GEN1: variants seen among roughly 807,000 people sequenced by gnomAD.
GEN1 encodes flap endonuclease GEN homolog 1.
Under a neutral mutation model 67.6 loss-of-function variants are expected in GEN1, and 64 were observed. The observed-to-expected ratio is 0.95, with a 90% CI of 0.77 to 1.17. The LOEUF (loss-of-function observed/expected upper bound fraction) is 1.17, where lower values mean the gene tolerates loss of function less well. Ranked by LOEUF, GEN1 falls within the 50% of genes most tolerant of loss-of-function variation. The pLI is 0.00. For missense variants in GEN1, 1,058 were observed against 1,048.3 expected (o/e 1.01, Z -0.13); for synonymous variants, 371 against 359.4 (o/e 1.03, Z -0.37).
rs1176593945 is a variant in GEN1, at chr2:17,778,249, T to C, written c.1264+186T>C. Among the ~76,000 whole-genome samples the C allele has an allele frequency of 1.7e-5, 2 of 119,986 alleles. 1 individual carries two copies. The allele number at this position is 119,986 out of a possible 152,430, so 78.7% of individuals were successfully genotyped here. A position where few individuals can be genotyped will look rare whatever the true frequency, so the allele number is the denominator to read the frequency against. On this transcript the variant is annotated intron_variant, in intron 12 of 13. Coordinates refer to ENST00000381254, the MANE Select transcript of GEN1 (RefSeq NM_001130009.3). ...ACACATATATGTGTGTACATATATG[T>C]ATACACACATATGTGTGTACATATA... is the stretch of plus-strand genomic sequence containing the variant.
At chr2:17,770,141 A>G (rs893860718) in intron 6 of GEN1, among the ~76,000 whole-genome samples, 1 of 152,176 alleles carries the variant, frequency 6.6e-6, no homozygotes, top group African/African-American at 2.4e-5. Flanking sequence ...AAAAAATAAT[A>G]TAAAGAAGGA....
chr2:17,760,844 C>A lies in GEN1; in HGVS notation c.162-552C>A, dbSNP rs192099945. On this transcript the variant is annotated intron_variant, in intron 2 of 13. Transcript: ENST00000381254. Reference sequence around the variant, plus strand: ...TGCTGAGGCAGGAAAATCACTTGAACCTGGGAGGTGGAGGTTGCAGTGAGC... The same window carrying A: ...TGCTGAGGCAGGAAAATCACTTGAAACTGGGAGGTGGAGGTTGCAGTGAGC... Among the ~76,000 whole-genome samples, 40 of 151,700 alleles carry A rather than the reference C, an allele frequency of 2.6e-4. 2 individuals carry two copies. In the East Asian group the frequency reaches 7.0e-3, roughly 26 times the overall value.
Position 17,787,823 on chromosome 2 carries a change from C to G in GEN1, c.*5884C>G, listed in dbSNP as rs1418091060. The G allele has an allele frequency of 1.3e-5, 2 of 152,414 alleles. No homozygotes were observed. Among genetic ancestry groups the G allele is most frequent in the South Asian group, 4.1e-4 (2 of 4,832 alleles). The allele number at this position is 152,414 out of a possible 1,614,324, so 9.4% of individuals were successfully genotyped here. ...CCTGTAATCCCACCTACTTGGGAGG[C>G]TGAGACAAGAGAATCACTTGAACCC... On this transcript the variant is annotated 3_prime_UTR_variant, in exon 14 of 14. Coordinates refer to ENST00000381254, the MANE Select transcript of GEN1 (RefSeq NM_001130009.3).
chr2:17,780,604 A>ATTTTT lies in GEN1; in HGVS notation c.1409-13_1409-9dup. On this transcript the variant is annotated splice_polypyrimidine_tract_variant and intron_variant, in intron 13 of 13. Coordinates refer to ENST00000381254, the MANE Select transcript of GEN1 (RefSeq NM_001130009.3). ...AAGAAAATAAATGTTGATTATATGT[A>ATTTTT]TTTTTTTTCTTTTCAGGTATTAAGC... 6.9e-7 allele frequency: 1 copy of ATTTTT among 1,444,128 alleles called. No individual in the cohort carries two copies. The highest frequency in any genetic ancestry group is 1.4e-5 in the African/African-American group (1 of 70,214). The allele number at this position is 1,444,128 out of a possible 1,614,324, so 89.5% of individuals were successfully genotyped here. A position where few individuals can be genotyped will look rare whatever the true frequency, so the allele number is the denominator to read the frequency against.
At chr2:17,771,764 G>C (rs1417373301) in intron 7 of GEN1, among the ~76,000 whole-genome samples, 3 of 146,930 alleles carry the variant, frequency 2.0e-5, no homozygotes, top group African/African-American at 7.4e-5. Flanking sequence ...AAAATAGCTT[G>C]GATCTTCTTC....
intron 12 of GEN1, among the ~76,000 whole-genome samples, 164 bp downstream of exon 12, chr2:17,778,227 CAT>C (rs377658976): frequency 0.023 from 3,111 of 133,644 alleles, 440 homozygotes; most frequent in Middle Eastern, 0.033. Flanking sequence ...TATACACACA[CAT>C]ATATGTGTGT....
At chr2:17,779,700 C>G (rs1453670378) in intron 12 of GEN1, among the ~76,000 whole-genome samples, 2 of 151,900 alleles carry the variant, frequency 1.3e-5, no homozygotes, top group Admixed American at 6.6e-5. Flanking sequence ...CTCCCAGGTT[C>G]AAGTGATTCT....
intron 5 of GEN1, among the ~76,000 whole-genome samples, chr2:17,767,502 A>G (rs1671985319): frequency 2.0e-5 from 3 of 152,224 alleles, no homozygotes; most frequent in Admixed American, 6.5e-5. Flanking sequence ...TGTAATTTAT[A>G]TCATCAAAGA....
intron 3 of GEN1, among the ~76,000 whole-genome samples, chr2:17,762,812 A>G (rs1671749737): frequency 6.6e-6 from 1 of 152,160 alleles, no homozygotes; most frequent in Non-Finnish European, 1.5e-5. Flanking sequence ...TGTTGGATTG[A>G]TGGGTCAAAG....
At chr2:17,773,322 TTACTG>T in intron 10 of GEN1, 23 bp downstream of exon 10, 1 of 1,402,780 alleles carries the variant, frequency 7.1e-7, no homozygotes. Context: ...AAATTCTTCT[TTACTG>T]TATGAAGTTA....
rs13391389 is a variant in GEN1 at position 17,757,115 on chromosome 2, G to A, written c.-16+2770G>A. Among the ~76,000 whole-genome samples, 57 of 152,012 alleles carry A rather than the reference G, an allele frequency of 3.7e-4. 1 individual carries two copies. The highest frequency in any genetic ancestry group is 6.8e-3 in the Middle Eastern group (2 of 294). ...CATTCTTTAAACCAGGTTTGTTTCCGACAAAAGAAATGAAATAATAAAAAC... is the reference window on the plus strand; with the variant it reads ...CATTCTTTAAACCAGGTTTGTTTCCAACAAAAGAAATGAAATAATAAAAAC... On this transcript the variant is annotated intron_variant, in intron 1 of 13. Coordinates refer to ENST00000381254, the MANE Select transcript of GEN1 (RefSeq NM_001130009.3).
chr2:17,765,180 C>A (rs75795972), intron 4 of GEN1, 107 bp downstream of exon 4: 2 of 974,892 alleles, frequency 2.1e-6, no homozygotes, highest in Non-Finnish European at 3.1e-6. Context: ...ATGCCTTGCA[C>A]GTAGCAATTG....
rs771531121 is a variant in GEN1 at position 17,773,267 on chromosome 2, A to G, written c.1039A>G (p.Arg347Gly). The part of the protein sequence containing the change: ...LNKDKLVKVI[R>G]YQRPDLLLFQ... ...CAAGGATAAATTGGTGAAGGTTATC[A>G]GGTACCAAAGACCTGATTTGTTATT... The change falls in exon 10 of 14, where the codon AGG (arginine) becomes GGG (glycine). Residue 347 changes from arginine to glycine, a missense_variant. By Grantham distance (125) the Arg-to-Gly change is moderately radical (BLOSUM62 -2). Coordinates refer to ENST00000381254, the MANE Select transcript of GEN1 (RefSeq NM_001130009.3). 5.0e-6 allele frequency: 8 copies of G among 1,599,828 alleles called. No individual in the cohort carries two copies. The Admixed American group carries it at 1.0e-4, about 20-fold the overall frequency.
chr2:17,758,483 T>C (rs561401391), intron 1 of GEN1, among the ~76,000 whole-genome samples: 1 of 152,352 alleles, frequency 6.6e-6, no homozygotes, highest in East Asian at 1.9e-4. Context: ...CTGCACTCTT[T>C]TTCCAGAATT....
intron 5 of GEN1, among the ~76,000 whole-genome samples, chr2:17,767,441 G>A (rs944176687): frequency 2.0e-5 from 3 of 152,172 alleles, no homozygotes; most frequent in South Asian, 4.1e-4. Flanking sequence ...TTCCATCTGA[G>A]CTCAGGAGAA....
chr2:17,780,156 T>C, intron 13 of GEN1, 35 bp downstream of exon 13: 1 of 1,568,434 alleles, frequency 6.4e-7, no homozygotes, highest in Non-Finnish European at 8.7e-7. Flanking sequence ...TTATGCCACA[T>C]GCAAATGTTA....
Position 17,778,248 on chromosome 2 carries a change from GTA to G in GEN1, c.1264+188_1264+189del, listed in dbSNP as rs1425065516. On this transcript the variant is annotated intron_variant, in intron 12 of 13. Transcript: ENST00000381254. Reference sequence around the variant, plus strand: ...CACACATATATGTGTGTACATATATGTATACACACATATGTGTGTACATATAT... The same window carrying G: ...CACACATATATGTGTGTACATATATGTACACACATATGTGTGTACATATAT... 6.7e-5 allele frequency among the ~76,000 whole-genome samples: 8 copies of G among 119,468 alleles called. 1 individual carries two copies. The highest frequency in any genetic ancestry group is 2.8e-4 in the African/African-American group (8 of 29,020). The allele number at this position is 119,468 out of a possible 152,430, so 78.4% of individuals were successfully genotyped here. A position where few individuals can be genotyped will look rare whatever the true frequency, so the allele number is the denominator to read the frequency against.
chr2:17,774,535 G>A lies in GEN1; in HGVS notation c.1202+134G>A, dbSNP rs576033403. ...TCCTGGAATATTAAAAGCTTATTCAGGGCTTATAATCAGAACAACATAGTA... is the reference window on the plus strand; with the variant it reads ...TCCTGGAATATTAAAAGCTTATTCAAGGCTTATAATCAGAACAACATAGTA... On this transcript the variant is annotated intron_variant, in intron 11 of 13. Transcript: ENST00000381254. 3.0e-5 allele frequency: 17 copies of A among 568,236 alleles called. No individual in the cohort carries two copies. In the African/African-American group the frequency reaches 3.1e-4, roughly 10 times the overall value. 35.2% of individuals were successfully genotyped at this position (568,236 alleles called of 1,614,324 possible).
chr2:17,768,652 C>T, intron 5 of GEN1, 86 bp from the exon 6 acceptor site: 1 of 948,860 alleles, frequency 1.1e-6, no homozygotes, highest in East Asian at 2.4e-5. Context: ...ATTCTTTCAG[C>T]TGCTGACTCT....
Sources: allele counts gnomAD v4.1 joint callset (sites outside exome capture counted in the v4.1 genomes callset), GRCh38; gene constraint gnomAD v4.1.1; transcripts MANE v1.5; gene names NCBI Gene and HGNC (gene_info 2026-07-23, HGNC 2026-07-21).